Variants in ARHGEF10L observed in about 807,000 individuals in gnomAD.
ARHGEF10L encodes rho guanine nucleotide exchange factor 10-like protein.
In ARHGEF10L, 69 loss-of-function variants were observed where a neutral mutation model predicts 141.2. The observed-to-expected ratio is 0.49, with a 90% CI of 0.40 to 0.60. The LOEUF (loss-of-function observed/expected upper bound fraction) is 0.60, where lower values mean the gene tolerates loss of function less well. ARHGEF10L is among the 20% of genes least tolerant of loss of function. ARHGEF10L has a pLI of 0.00. For synonymous variants in ARHGEF10L, 711 were observed against 718.5 expected, an observed-to-expected ratio of 0.99 and a Z score of 0.17; for missense variants, 1,482 against 1,734.3, an observed-to-expected ratio of 0.85 and a Z score of 2.58.
chr1:17,602,835 T>G (rs957525279), intron 5 of ARHGEF10L, among the ~76,000 whole-genome samples: 3 of 151,740 alleles, frequency 2.0e-5, no homozygotes, highest in African/African-American at 7.3e-5. Context: ...CCTGTTGCAC[T>G]GGGGTGGGGG....
intron 1 of ARHGEF10L, among the ~76,000 whole-genome samples, chr1:17,574,610 C>T (rs2078143643): frequency 6.6e-6 from 1 of 152,208 alleles, no homozygotes; most frequent in Non-Finnish European, 1.5e-5. Context: ...TGAGTGTTGT[C>T]TGGGCTGGCT....
intron 6 of ARHGEF10L, among the ~76,000 whole-genome samples, chr1:17,605,470 G>A (rs2081082584): frequency 6.6e-6 from 1 of 152,182 alleles, no homozygotes; most frequent in Non-Finnish European, 1.5e-5. Context: ...GTCCCTGAAA[G>A]CTGAGGAGTT....
At chr1:17,694,936 G>C in intron 27 of ARHGEF10L, 1 of 705,504 alleles carries the variant, frequency 1.4e-6, no homozygotes, top group Non-Finnish European at 2.6e-6. Context: ...TTACACAGGC[G>C]GAAACTGAGG....
intron 2 of ARHGEF10L, among the ~76,000 whole-genome samples, chr1:17,583,902 A>G (rs2078800802): frequency 6.6e-6 from 1 of 152,044 alleles, no homozygotes; most frequent in Admixed American, 6.6e-5. Context: ...CCCAGGCTGG[A>G]GTACAATGGT....
chr1:17,660,173 C>A (rs1005762761), intron 25 of ARHGEF10L, among the ~76,000 whole-genome samples: 2 of 152,238 alleles, frequency 1.3e-5, no homozygotes, highest in Non-Finnish European at 2.9e-5. Flanking sequence ...TTCTCCCCTG[C>A]CTCTGAGAAG....
At chr1:17,583,048 C>G (rs938199931) in intron 2 of ARHGEF10L, among the ~76,000 whole-genome samples, 2 of 125,032 alleles carry the variant, frequency 1.6e-5, no homozygotes, top group Admixed American at 1.7e-4. Context: ...AACCCTGTCT[C>G]TACAAAAAAT....
chr1:17,538,246 GTCT>G (rs1463697315), upstream of ARHGEF10L, among the ~76,000 whole-genome samples: 19 of 152,160 alleles, frequency 1.2e-4, no homozygotes, highest in Non-Finnish European at 5.9e-5. Context: ...GACATCTGAA[GTCT>G]TCTTCCTGCT....
intron 1 of ARHGEF10L, among the ~76,000 whole-genome samples, chr1:17,566,607 G>C (rs1341018204): frequency 6.6e-6 from 1 of 152,222 alleles, no homozygotes; most frequent in East Asian, 1.9e-4. Flanking sequence ...ATCATTGCCA[G>C]GTGTTCATGT....
chr1:17,608,238 C>T (rs1452670993), intron 7 of ARHGEF10L, among the ~76,000 whole-genome samples: 2 of 152,218 alleles, frequency 1.3e-5, no homozygotes, highest in African/African-American at 4.8e-5. Flanking sequence ...CCCCCCACCC[C>T]CTTGCTATGG....
In ARHGEF10L at chr1:17,623,270, G is replaced by A; in HGVS notation, c.1200+95G>A. On this transcript the variant is annotated intron_variant, in intron 12 of 28. Coordinates refer to ENST00000361221, the MANE Select transcript of ARHGEF10L (RefSeq NM_018125.4). This position sits in a 1 kb window ranked among gnomAD's most constrained non-coding sequence, Gnocchi z 4.7. ...GCAGTCCAGCCTCCTGCCTCTGCCT[G>A]CTTGCCTTGTTCAAGTCAGTGGGAT... is the stretch of plus-strand genomic sequence containing the variant. 2 of 1,444,270 alleles carry A rather than the reference G, an allele frequency of 1.4e-6. No individual in the cohort carries two copies. The highest frequency in any genetic ancestry group is 9.4e-7 in the Non-Finnish European group (1 of 1,062,158). 89.5% of individuals were successfully genotyped at this position (1,444,270 alleles called of 1,614,324 possible).
At chr1:17,529,328 C>T in the ARHGEF10L span, among the ~76,000 whole-genome samples, 145,160 of 152,324 alleles carry the variant, frequency 0.95, 69,274 homozygotes, top group Middle Eastern at 0.98. Flanking sequence ...ACACAGTGTC[C>T]GGCATTAACT....
chr1:17,659,518 C>G (rs192636265), intron 25 of ARHGEF10L, among the ~76,000 whole-genome samples: 1 of 152,146 alleles, frequency 6.6e-6, no homozygotes, highest in Non-Finnish European at 1.5e-5. Context: ...CTTAGATACC[C>G]CTCAGATACC....
chr1:17,677,405 C>T (rs2063791121), intron 26 of ARHGEF10L, among the ~76,000 whole-genome samples: 1 of 152,362 alleles, frequency 6.6e-6, no homozygotes, highest in South Asian at 2.1e-4. Flanking sequence ...TTTGCACGCT[C>T]ACTCTCTGCT....
intron 2 of ARHGEF10L, among the ~76,000 whole-genome samples, chr1:17,582,683 G>A (rs978528465): frequency 9.9e-5 from 15 of 152,246 alleles, no homozygotes; most frequent in East Asian, 7.7e-4. Flanking sequence ...CCTCATCCTC[G>A]GAGCCCTTCC....
chr1:17,655,843 T>G (rs2062207673), intron 23 of ARHGEF10L, 36 bp from the exon 24 acceptor site: 1 of 1,539,362 alleles, frequency 6.5e-7, no homozygotes, highest in African/African-American at 1.4e-5. Context: ...CTCCTGTGGT[T>G]CCCACCTGAT....
rs2246279 is a variant in ARHGEF10L, at chr1:17,573,113, T to G, written c.-43-7440T>G. Among the ~76,000 whole-genome samples the G allele has an allele frequency of 0.073, 11,183 of 152,254 alleles. 445 individuals are homozygous for G. Among genetic ancestry groups the G allele is most frequent in the Middle Eastern group, 0.099 (29 of 294 alleles). ...GGACGCACATGGACCTCCCTTTCCC[T>G]GCCTGCCTCATCCTCCTGGGGGGCT... On this transcript the variant is annotated intron_variant, in intron 1 of 28. Transcript: ENST00000361221. The surrounding 1 kb of genome is among the most constrained non-coding windows in gnomAD (Gnocchi z 4.8).
At chr1:17,631,805 G>A (rs1026826787) in intron 15 of ARHGEF10L, among the ~76,000 whole-genome samples, 2 of 152,222 alleles carry the variant, frequency 1.3e-5, no homozygotes, top group African/African-American at 4.8e-5. Context: ...GCACTGGACC[G>A]CAAGAGTCAT....
Position 17,676,988 on chromosome 1 carries a change from G to A in ARHGEF10L, c.3010-10585G>A, listed in dbSNP as rs559173194. 3.2e-3 allele frequency among the ~76,000 whole-genome samples: 484 copies of A among 151,948 alleles called. 2 individuals carry two copies. Among genetic ancestry groups the A allele is most frequent in the Non-Finnish European group, 4.7e-3 (317 of 67,968 alleles). On this transcript the variant is annotated intron_variant, in intron 26 of 28. Coordinates refer to ENST00000361221, the MANE Select transcript of ARHGEF10L (RefSeq NM_018125.4). Reference sequence around the variant, plus strand: ...CTCCTCCATCGCACTCTCTGCATCGGGCCGTAAACAGGACTCTGGGCATCT... The same window carrying A: ...CTCCTCCATCGCACTCTCTGCATCGAGCCGTAAACAGGACTCTGGGCATCT...
In ARHGEF10L at chr1:17,603,560, C is replaced by A; in HGVS notation, c.402C>A (p.Val134=). 1 of 1,613,690 alleles carries A rather than the reference C, an allele frequency of 6.2e-7. No homozygotes were observed. The highest frequency in any genetic ancestry group is 8.5e-7 in the Non-Finnish European group (1 of 1,179,794). ...ALEEDVIYDD[V]PCESPDAHQP... is the part of the protein sequence containing the mutation. ...AAGAGGATGTGATTTATGACGACGT[C>A]CCCTGCGAGAGCCCAGATGCGCATC... The change falls in exon 6 of 29, where the codon GTC becomes GTA. Residue 134 remains valine, a synonymous_variant. Coordinates refer to ENST00000361221, the MANE Select transcript of ARHGEF10L (RefSeq NM_018125.4). The surrounding 1 kb of genome is among the most constrained non-coding windows in gnomAD (Gnocchi z 4.8).
Sources: gnomAD v4.1 joint callset for allele counts (sites outside exome capture counted in the v4.1 genomes callset) on GRCh38, gnomAD v4.1.1 for gene constraint, Gnocchi (gnomAD v3.1) non-coding constraint, MANE v1.5 for transcripts, NCBI Gene and HGNC (gene_info 2026-07-23, HGNC 2026-07-21) for gene names.